The following EYA1 variants were observed in gnomAD, a reference collection of about 807,000 sequenced individuals.
EYA1 encodes EYA transcriptional coactivator and phosphatase 1, also known as protein phosphatase EYA1.
Under a neutral mutation model 82.0 loss-of-function variants are expected in EYA1, and 16 were observed. The observed-to-expected ratio is 0.20, with a 90% CI of 0.13 to 0.30. EYA1 has a LOEUF of 0.30. EYA1 is among the 10% of genes least tolerant of loss of function. EYA1 has a pLI of 1.00. For missense variants in EYA1, 633 were observed against 730.7 expected (o/e 0.87, Z 1.54); for synonymous variants, 261 against 264.4 (o/e 0.99, Z 0.12).
upstream of EYA1, among the ~76,000 whole-genome samples, chr8:71,365,348 G>A (rs1279469634): frequency 6.6e-6 from 1 of 151,992 alleles, no homozygotes; most frequent in Non-Finnish European, 1.5e-5. Context: ...AAGCATGCAT[G>A]CTATTACCTG....
At chr8:71,480,009 G>A (rs1810005849) in intron 2 of EYA1, among the ~76,000 whole-genome samples, 1 of 151,888 alleles carries the variant, frequency 6.6e-6, no homozygotes, top group African/African-American at 2.4e-5. Context: ...ATAATCCCTG[G>A]TATCTCAAGT....
intron 2 of EYA1, among the ~76,000 whole-genome samples, chr8:71,480,153 T>TA (rs1810020022): frequency 1.3e-5 from 2 of 152,352 alleles, no homozygotes; most frequent in Admixed American, 6.5e-5. Flanking sequence ...AACGTATTGT[T>TA]ACAGTTTCCT....
intron 1 of EYA1, among the ~76,000 whole-genome samples, chr8:71,357,251 T>A (rs1826981196): frequency 6.6e-6 from 1 of 152,228 alleles, no homozygotes; most frequent in Admixed American, 6.5e-5. Flanking sequence ...TTCCATCTTT[T>A]AAACCGAGGA....
intron 2 of EYA1, among the ~76,000 whole-genome samples, chr8:71,434,319 T>C (rs1037687861): frequency 2.6e-5 from 4 of 152,152 alleles, no homozygotes; most frequent in Admixed American, 2.0e-4. Flanking sequence ...ATAAATGCAA[T>C]GGTGAAATAT....
rs866027293 is a variant in EYA1, at chr8:71,271,816, G to A, written c.908C>T (p.Ser303Leu). 1 of 1,614,188 alleles carries A rather than the reference G, an allele frequency of 6.2e-7. No homozygotes were observed. The highest frequency in any genetic ancestry group is 8.5e-7 in the Non-Finnish European group (1 of 1,180,036). Residue 303 changes from serine (S) to leucine (L), a missense_variant, in exon 10 of 18, where the codon TCA becomes TTA. Physicochemically the swap from Ser to Leu is moderately radical, Grantham distance 145 (BLOSUM62 -2). Coordinates refer to ENST00000340726, the MANE Select transcript of EYA1 (RefSeq NM_000503.6). ...DRLRRGSDGK[S>L]RGRGRRNNNP... ...ATTGTTTCTTCGGCCCCGTCCACGT[G>A]ATTTCCCATCTGAACCTCGACGCAA...
intron 2 of EYA1, among the ~76,000 whole-genome samples, chr8:71,524,524 TC>T (rs34635741): frequency 2.0e-5 from 3 of 152,324 alleles, no homozygotes; most frequent in Admixed American, 2.0e-4. Context: ...TTGAAAAACA[TC>T]CCTGTGATAG....
intron 6 of EYA1, among the ~76,000 whole-genome samples, chr8:71,319,770 C>T (rs1399089051): frequency 6.6e-6 from 1 of 152,248 alleles, no homozygotes. Context: ...GCAGTTAAAA[C>T]CCAAGCTATG....
At chr8:71,327,558 C>G (rs201834730) in intron 4 of EYA1, among the ~76,000 whole-genome samples, 1 of 152,130 alleles carries the variant, frequency 6.6e-6, no homozygotes, top group African/African-American at 2.4e-5. Context: ...CCTCACTTTA[C>G]GATATTTGGA....
intron 2 of EYA1, among the ~76,000 whole-genome samples, chr8:71,374,640 C>A (rs767282101): frequency 1.6e-4 from 25 of 152,124 alleles, no homozygotes; most frequent in Non-Finnish European, 3.4e-4. Context: ...TTAGCAATCC[C>A]TTTGCTGGGT....
chr8:71,207,168 G>C (rs1363883700), intron 17 of EYA1, among the ~76,000 whole-genome samples: 1 of 152,198 alleles, frequency 6.6e-6, no homozygotes, highest in Non-Finnish European at 1.5e-5. Flanking sequence ...TTGTTGAACT[G>C]TAGAGGGCTC....
chr8:71,503,715 T>C (rs1811987004), intron 2 of EYA1, among the ~76,000 whole-genome samples: 4 of 152,198 alleles, frequency 2.6e-5, no homozygotes, highest in Admixed American at 2.0e-4. Flanking sequence ...AGGTACTACA[T>C]TCTCTCACAA....
At chr8:71,227,154 T>C (rs189571820) in intron 12 of EYA1, among the ~76,000 whole-genome samples, 16 of 152,274 alleles carry the variant, frequency 1.1e-4, no homozygotes, top group African/African-American at 3.8e-4. Flanking sequence ...TTAAAAAAAC[T>C]CAGCACACAT....
intron 16 of EYA1, among the ~76,000 whole-genome samples, chr8:71,212,437 A>G (rs1808628648): frequency 6.6e-6 from 1 of 152,244 alleles, no homozygotes; most frequent in African/African-American, 2.4e-5. Flanking sequence ...CGATGTCATG[A>G]AAGTTTTTTC....
chr8:71,475,878 C>T (rs1007949328), intron 2 of EYA1, among the ~76,000 whole-genome samples: 4 of 152,156 alleles, frequency 2.6e-5, no homozygotes, highest in African/African-American at 7.2e-5. Flanking sequence ...AAATTTCAAA[C>T]TAATAATTCT....
chr8:71,538,404 T>C (rs894408517), intron 1 of EYA1, among the ~76,000 whole-genome samples: 5 of 152,246 alleles, frequency 3.3e-5, no homozygotes, highest in African/African-American at 1.2e-4. Flanking sequence ...ATGTTGTTGA[T>C]ACAACTTTTG....
At chr8:71,219,234 C>G (rs1809588926) in intron 12 of EYA1, among the ~76,000 whole-genome samples, 1 of 152,182 alleles carries the variant, frequency 6.6e-6, no homozygotes, top group Non-Finnish European at 1.5e-5. Context: ...TCTAGCTTAG[C>G]TCTTAGTGTC....
At chr8:71,449,818 A>T (rs1807207853) in intron 2 of EYA1, among the ~76,000 whole-genome samples, 1 of 152,196 alleles carries the variant, frequency 6.6e-6, no homozygotes, top group Non-Finnish European at 1.5e-5. Flanking sequence ...TGTTTAGTGT[A>T]GGCATCTTCA....
intron 12 of EYA1, among the ~76,000 whole-genome samples, chr8:71,239,038 A>C (rs547418981): frequency 6.6e-6 from 1 of 152,182 alleles, no homozygotes; most frequent in Admixed American, 6.5e-5. Flanking sequence ...GGAAATCTTT[A>C]AATATACTTT....
intron 7 of EYA1, among the ~76,000 whole-genome samples, chr8:71,315,099 T>C (rs757296195): frequency 5.3e-5 from 8 of 152,182 alleles, no homozygotes; most frequent in Non-Finnish European, 1.0e-4. Flanking sequence ...TCAAGCACAA[T>C]ATTTCTCAAA....
Sources: gnomAD v4.1 joint callset for allele counts (sites outside exome capture counted in the v4.1 genomes callset) on GRCh38, gnomAD v4.1.1 for gene constraint, MANE v1.5 for transcripts, NCBI Gene and HGNC (gene_info 2026-07-23, HGNC 2026-07-21) for gene names.